TTC23: variants seen among roughly 807,000 people sequenced by gnomAD.
TTC23 encodes the protein tetratricopeptide repeat domain 23.
In TTC23, 58 loss-of-function variants were observed where a neutral mutation model predicts 55.1. The ratio of observed to expected loss-of-function variants is 1.05; its 90% CI spans 0.85 to 1.31. The LOEUF (loss-of-function observed/expected upper bound fraction) is 1.31. TTC23 is among the 50% of genes most tolerant of loss of function. TTC23 has a pLI of 0.00. For missense variants in TTC23, 516 were observed against 534.4 expected (o/e 0.97, Z 0.34); for synonymous variants, 203 against 199.9 (o/e 1.02, Z -0.13).
At chr15:99,217,607 A>G (rs2077577696) in intron 8 of TTC23, among the ~76,000 whole-genome samples, 1 of 152,240 alleles carries the variant, frequency 6.6e-6, no homozygotes, top group South Asian at 2.1e-4. Flanking sequence ...TGAAGGGAAA[A>G]ATTAATTTAA....
chr15:99,143,092 C>A (rs188399221), intron 12 of TTC23, among the ~76,000 whole-genome samples: 7 of 152,300 alleles, frequency 4.6e-5, no homozygotes, highest in Non-Finnish European at 8.8e-5. Flanking sequence ...AAATCCTCAG[C>A]CCCTCACTAA....
chr15:99,194,552 C>CAAAAAAAAAAAAAAAAAAAAAAAAAAA (rs760038465), intron 9 of TTC23, among the ~76,000 whole-genome samples: 1 of 40,454 alleles, frequency 2.5e-5, no homozygotes, highest in Non-Finnish European at 5.0e-5. Context: ...ACATCACGTG[C>CAAAAAAAAAAAAAAAAAAAAAAAAAAA]AAAAAAAAAA....
intron 8 of TTC23, among the ~76,000 whole-genome samples, chr15:99,218,141 G>T (rs1392880824): frequency 2.0e-5 from 3 of 152,220 alleles, no homozygotes; most frequent in Non-Finnish European, 4.4e-5. Context: ...TGGTGAGTAT[G>T]GAGTAAGGTG....
At chr15:99,185,747 G>A (rs998893383) in intron 9 of TTC23, among the ~76,000 whole-genome samples, 1 of 152,168 alleles carries the variant, frequency 6.6e-6, no homozygotes, top group Admixed American at 6.5e-5. Flanking sequence ...AATCACATTT[G>A]CATGGTTTTC....
intron 11 of TTC23, among the ~76,000 whole-genome samples, chr15:99,156,989 T>C (rs1377785445): frequency 1.3e-5 from 2 of 152,178 alleles, no homozygotes; most frequent in Non-Finnish European, 2.9e-5. Context: ...ATTTAATTTT[T>C]GCTGTCTTCT....
chr15:99,175,196 G>GGCA lies in TTC23; in HGVS notation c.760-44_760-42dup, dbSNP rs1350930719. The GGCA allele has an allele frequency of 7.1e-6, 11 of 1,538,550 alleles. No individual in the cohort carries two copies. In the South Asian group the frequency reaches 7.9e-5, roughly 11 times the overall value. Reference sequence around the variant, plus strand: ...GAAGAAACATGTTGTTTACATACTTGGCAGCAGCAGCAGGGAATTAACTGT... The same window carrying GGCA: ...GAAGAAACATGTTGTTTACATACTTGGCAGCAGCAGCAGCAGGGAATTAACTGT... On this transcript the variant is annotated intron_variant, in intron 9 of 13. Coordinates refer to ENST00000394132, the MANE Select transcript of TTC23 (RefSeq NM_001288615.3).
chr15:99,200,727 T>C (rs2076131921), intron 8 of TTC23, among the ~76,000 whole-genome samples: 1 of 152,192 alleles, frequency 6.6e-6, no homozygotes, highest in African/African-American at 2.4e-5. Context: ...TCTAGGAATT[T>C]ATCTTGAAGT....
chr15:99,229,516 C>A (rs1035318739), intron 4 of TTC23, among the ~76,000 whole-genome samples: 13 of 152,100 alleles, frequency 8.5e-5, no homozygotes, highest in Non-Finnish European at 4.4e-5. Flanking sequence ...AGTGGACTAC[C>A]TGAGTTGAGG....
intron 12 of TTC23, among the ~76,000 whole-genome samples, chr15:99,142,492 CTTG>C (rs782681691): frequency 6.8e-4 from 103 of 152,280 alleles, no homozygotes; most frequent in Middle Eastern, 3.4e-3. Flanking sequence ...GTTGTCACTG[CTTG>C]TTGTTAATTC....
intron 2 of TTC23, among the ~76,000 whole-genome samples, chr15:99,244,014 T>G (rs2080025532): frequency 6.6e-6 from 1 of 152,156 alleles, no homozygotes; most frequent in South Asian, 2.1e-4. Context: ...GATAAGTGCT[T>G]GAGGACACAG....
chr15:99,183,153 C>A (rs947239093), intron 9 of TTC23, among the ~76,000 whole-genome samples: 1 of 152,150 alleles, frequency 6.6e-6, no homozygotes, highest in Non-Finnish European at 1.5e-5. Context: ...GAAGTCCACG[C>A]TGAGGTGGTC....
At chr15:99,231,158 A>G (rs2078901851) in intron 4 of TTC23, among the ~76,000 whole-genome samples, 1 of 152,258 alleles carries the variant, frequency 6.6e-6, no homozygotes, top group Non-Finnish European at 1.5e-5. Flanking sequence ...ATATAAAAGT[A>G]AAGCATATAC....
At chr15:99,166,682 T>C (rs2072148586) in intron 10 of TTC23, among the ~76,000 whole-genome samples, 1 of 152,212 alleles carries the variant, frequency 6.6e-6, no homozygotes, top group South Asian at 2.1e-4. Context: ...AAGTCGCTGC[T>C]CTCTTTCTTC....
intron 5 of TTC23, among the ~76,000 whole-genome samples, chr15:99,226,657 G>GAT (rs1289018585): frequency 6.6e-6 from 1 of 152,074 alleles, no homozygotes; most frequent in African/African-American, 2.4e-5. Context: ...CCTTGCTTCA[G>GAT]ATATGTCCTG....
At chr15:99,231,070 C>T (rs891232043) in intron 4 of TTC23, among the ~76,000 whole-genome samples, 3 of 152,140 alleles carry the variant, frequency 2.0e-5, no homozygotes, top group Non-Finnish European at 4.4e-5. Context: ...CAGTAGCTGT[C>T]GTAACATCAT....
chr15:99,146,608 G>T (rs2068891468), intron 12 of TTC23, among the ~76,000 whole-genome samples: 1 of 152,236 alleles, frequency 6.6e-6, no homozygotes. Flanking sequence ...TCCAGACCTT[G>T]TGGGACAATT....
At chr15:99,139,482 A>C (rs1299454533) in intron 12 of TTC23, 83 bp from the exon 13 acceptor site, 12 of 1,590,206 alleles carry the variant, frequency 7.5e-6, no homozygotes, top group Admixed American at 1.8e-5. Context: ...AATGAGAGAA[A>C]GATGACCTCA....
At chr15:99,183,111 T>C (rs2074307559) in intron 9 of TTC23, among the ~76,000 whole-genome samples, 1 of 152,164 alleles carries the variant, frequency 6.6e-6, no homozygotes, top group African/African-American at 2.4e-5. Context: ...TGGAATGGCT[T>C]TGGCCAAAAT....
intron 8 of TTC23, among the ~76,000 whole-genome samples, chr15:99,205,343 T>G (rs2076537661): frequency 6.6e-6 from 1 of 152,140 alleles, no homozygotes; most frequent in Non-Finnish European, 1.5e-5. Context: ...AAGAATGTAA[T>G]TGGCATTTTG....
Sources: gnomAD v4.1 joint callset for allele counts (sites outside exome capture counted in the v4.1 genomes callset) on GRCh38, gnomAD v4.1.1 for gene constraint, MANE v1.5 for transcripts, NCBI Gene and HGNC (gene_info 2026-07-23, HGNC 2026-07-21) for gene names.